The following DUSP29 variants were observed in gnomAD, a reference collection of about 807,000 sequenced individuals.
The protein encoded by DUSP29 is atypical dual-specific protein phosphatase.
Under a neutral mutation model 13.5 loss-of-function variants are expected in DUSP29, and 12 were observed. The ratio of observed to expected loss-of-function variants is 0.89; its 90% CI spans 0.57 to 1.44. DUSP29 has a LOEUF of 1.44. DUSP29 is among the 40% of genes most tolerant of loss of function. The pLI, the probability that DUSP29 is intolerant of heterozygous loss-of-function variation, is 0.00. For synonymous variants in DUSP29, 134 were observed against 128.7 expected, an observed-to-expected ratio of 1.04 and a Z score of -0.28; for missense variants, 308 against 301.1, an observed-to-expected ratio of 1.02 and a Z score of -0.17.
At chr10:75,039,720 T>C (rs1173166720) in intron 3 of DUSP29, among the ~76,000 whole-genome samples, 4 of 152,210 alleles carry the variant, frequency 2.6e-5, no homozygotes, top group Non-Finnish European at 5.9e-5. Flanking sequence ...CCATCTCCCA[T>C]GCACTATCTG....
At chr10:75,070,340 C>G (rs1018954006) in intron 1 of DUSP29, among the ~76,000 whole-genome samples, 10 of 152,152 alleles carry the variant, frequency 6.6e-5, no homozygotes, top group South Asian at 4.1e-4. Context: ...TGAGGGCATG[C>G]CTGGGCCTCT....
intron 1 of DUSP29, among the ~76,000 whole-genome samples, chr10:75,059,028 C>G (rs1847030438): frequency 6.6e-6 from 1 of 152,190 alleles, no homozygotes; most frequent in East Asian, 1.9e-4. Flanking sequence ...ATCGCCAAGG[C>G]CATACCTGCC....
chr10:75,071,584 AT>A (rs1320635915), intron 1 of DUSP29, among the ~76,000 whole-genome samples: 3 of 152,190 alleles, frequency 2.0e-5, no homozygotes, highest in Non-Finnish European at 4.4e-5. Flanking sequence ...AGTTTGTCTG[AT>A]GGCAGAGGAC....
intron 1 of DUSP29, among the ~76,000 whole-genome samples, chr10:75,072,164 G>T (rs989272549): frequency 6.6e-6 from 1 of 152,202 alleles, no homozygotes; most frequent in Non-Finnish European, 1.5e-5. Flanking sequence ...GAAACCCCAG[G>T]ATACAGAAAT....
At chr10:75,058,859 C>T (rs1847025322) in intron 1 of DUSP29, among the ~76,000 whole-genome samples, 1 of 152,214 alleles carries the variant, frequency 6.6e-6, no homozygotes, top group African/African-American at 2.4e-5. Context: ...TTTCTTTAGA[C>T]TTTACTCCTT....
intron 1 of DUSP29, among the ~76,000 whole-genome samples, chr10:75,059,652 G>A (rs1847045757): frequency 6.6e-6 from 1 of 152,086 alleles, no homozygotes; most frequent in South Asian, 2.1e-4. Context: ...TAGTGTCAGG[G>A]GGAGGGAGAT....
In DUSP29 at chr10:75,071,088, AGCAAAGG is replaced by A. The variant is rs1377143963; in HGVS notation, c.-35+2474_-35+2480del. On this transcript the variant is annotated intron_variant, in intron 1 of 3. Coordinates refer to ENST00000338487, the MANE Select transcript of DUSP29 (RefSeq NM_001003892.3). ...CCTCTACCCCAATGAGAGGCACCAG[AGCAAAGG>A]GGCTACACCCCGAAACTCTGAGGCA... 3.3e-5 allele frequency among the ~76,000 whole-genome samples: 5 copies of A among 152,190 alleles called. No individual in the cohort carries two copies. In the East Asian group the frequency reaches 7.7e-4, roughly 23 times the overall value.
chr10:75,051,171 A>T (rs935161597), intron 2 of DUSP29, among the ~76,000 whole-genome samples: 1 of 152,138 alleles, frequency 6.6e-6, no homozygotes, highest in Admixed American at 6.5e-5. Context: ...TCATGGGAGA[A>T]ATCTGACCCA....
chr10:75,041,369 A>T (rs556491561), intron 3 of DUSP29, among the ~76,000 whole-genome samples: 1 of 152,336 alleles, frequency 6.6e-6, no homozygotes, highest in South Asian at 2.1e-4. Flanking sequence ...AGACCTAAAA[A>T]TCGAGTGATT....
intron 2 of DUSP29, among the ~76,000 whole-genome samples, chr10:75,053,798 T>TC (rs1447539867): frequency 6.6e-6 from 1 of 152,056 alleles, no homozygotes; most frequent in African/African-American, 2.4e-5. Flanking sequence ...CTTCTTTTTT[T>TC]CCCCCGCAGC....
intron 1 of DUSP29, among the ~76,000 whole-genome samples, chr10:75,069,973 C>T (rs1847287983): frequency 6.6e-6 from 1 of 151,634 alleles, no homozygotes; most frequent in African/African-American, 2.4e-5. Context: ...TCACTTGAAC[C>T]CAGGAGGTGG....
intron 3 of DUSP29, among the ~76,000 whole-genome samples, chr10:75,042,529 C>T (rs1846607847): frequency 6.6e-6 from 1 of 152,202 alleles, no homozygotes; most frequent in Non-Finnish European, 1.5e-5. Flanking sequence ...CATAAATAGA[C>T]TCATAAAAGG....
chr10:75,051,362 G>A (rs760755778), intron 2 of DUSP29, among the ~76,000 whole-genome samples: 4 of 152,200 alleles, frequency 2.6e-5, no homozygotes, highest in Non-Finnish European at 4.4e-5. Flanking sequence ...TTGCATTAAC[G>A]CATAGAATCC....
At chr10:75,041,131 G>T (rs1386257117) in intron 3 of DUSP29, among the ~76,000 whole-genome samples, 1 of 152,162 alleles carries the variant, frequency 6.6e-6, no homozygotes, top group South Asian at 2.1e-4. Context: ...AGTAGGTCCA[G>T]CACTAAAATG....
intron 1 of DUSP29, among the ~76,000 whole-genome samples, chr10:75,073,135 T>G (rs1368696612): frequency 2.0e-5 from 3 of 152,130 alleles, no homozygotes; most frequent in African/African-American, 7.2e-5. Context: ...TCCCTGGAGC[T>G]TTAAGTACTT....
At chr10:75,072,239 A>G (rs575376222) in intron 1 of DUSP29, among the ~76,000 whole-genome samples, 2 of 152,334 alleles carry the variant, frequency 1.3e-5, no homozygotes, top group African/African-American at 4.8e-5. Flanking sequence ...GCCTATAGAC[A>G]GCAAACTAAA....
intron 3 of DUSP29, 142 bp from the exon 4 acceptor site, chr10:75,038,219 A>C: frequency 6.3e-6 from 7 of 1,119,094 alleles, no homozygotes; most frequent in Non-Finnish European, 8.6e-6. Flanking sequence ...CCTCTGTAGA[A>C]CGGGGACACT....
chr10:75,038,825 A>C (rs1846525671), intron 3 of DUSP29, among the ~76,000 whole-genome samples: 1 of 152,116 alleles, frequency 6.6e-6, no homozygotes. Flanking sequence ...TGTTTCCAAG[A>C]CTAGGGCATG....
chr10:75,064,104 T>A (rs188012713), intron 1 of DUSP29, among the ~76,000 whole-genome samples: 1 of 152,176 alleles, frequency 6.6e-6, no homozygotes, highest in Non-Finnish European at 1.5e-5. Context: ...TGGAGTGCAG[T>A]GGCACAGCTC....
Sources: gnomAD v4.1 joint callset for allele counts (sites outside exome capture counted in the v4.1 genomes callset) on GRCh38, gnomAD v4.1.1 for gene constraint, MANE v1.5 for transcripts, NCBI Gene and HGNC (gene_info 2026-07-23, HGNC 2026-07-21) for gene names.